CLASP1: variants seen among roughly 807,000 people sequenced by gnomAD.
CLASP1 encodes the protein cytoplasmic linker associated protein 1.
In CLASP1, 38 loss-of-function variants were observed where a neutral mutation model predicts 192.3. The observed-to-expected ratio is 0.20, with a 90% CI of 0.15 to 0.26. CLASP1 has a LOEUF of 0.26. CLASP1 is among the 10% of genes least tolerant of loss of function. CLASP1 has a pLI of 1.00. For missense variants in CLASP1, 1,433 were observed against 1,932.5 expected (o/e 0.74, Z 4.85); for synonymous variants, 691 against 712.8 (o/e 0.97, Z 0.49).
intron 8 of CLASP1, among the ~76,000 whole-genome samples, chr2:121,497,065 G>A (rs2093564081): frequency 6.6e-6 from 1 of 152,084 alleles, no homozygotes; most frequent in African/African-American, 2.4e-5. Context: ...GTTACCAAAG[G>A]CCAGGAAGGG....
chr2:121,412,742 A>G (rs1018170393), intron 23 of CLASP1, among the ~76,000 whole-genome samples: 12 of 152,240 alleles, frequency 7.9e-5, no homozygotes, highest in African/African-American at 2.9e-4. Context: ...GTGACTATAG[A>G]TCATTTGATA....
rs968854871 is a variant in CLASP1, at chr2:121,376,003, T to C, written c.3642+1496A>G. 2.0e-5 allele frequency among the ~76,000 whole-genome samples: 3 copies of C among 152,230 alleles called. No homozygotes were observed. In the East Asian group the frequency reaches 5.8e-4, roughly 29 times the overall value. On this transcript the variant is annotated intron_variant, in intron 34 of 39. Coordinates refer to ENST00000263710, the Ensembl canonical transcript of CLASP1. ...TACCTTGGGCCTCTTAATACTATTT[T>C]ATGGTTATTATAAAAAAGACAAAAA...
At chr2:121,587,126 AG>A (rs2061806471) in intron 2 of CLASP1, among the ~76,000 whole-genome samples, 1 of 152,210 alleles carries the variant, frequency 6.6e-6, no homozygotes, top group African/African-American at 2.4e-5. Flanking sequence ...CTGTAGTCCC[AG>A]CTACTTGGGA....
intron 37 of CLASP1, among the ~76,000 whole-genome samples, chr2:121,349,467 G>A (rs1291100378): frequency 6.6e-6 from 1 of 152,144 alleles, no homozygotes; most frequent in Non-Finnish European, 1.5e-5. Context: ...CGCCCTAGAA[G>A]ACTAGGACCT....
At chr2:121,415,472 A>C (rs2078417146) in intron 23 of CLASP1, among the ~76,000 whole-genome samples, 1 of 152,230 alleles carries the variant, frequency 6.6e-6, no homozygotes, top group Non-Finnish European at 1.5e-5. Flanking sequence ...AAGTATTCTT[A>C]GTGAGCATAT....
At chr2:121,353,734 G>A (rs2064911979) in intron 37 of CLASP1, among the ~76,000 whole-genome samples, 1 of 152,194 alleles carries the variant, frequency 6.6e-6, no homozygotes, top group Admixed American at 6.5e-5. Context: ...GTATACGCCA[G>A]GTGCTCAATA....
intron 8 of CLASP1, chr2:121,490,352 A>G (rs2150143334): frequency 2.3e-6 from 1 of 441,334 alleles, no homozygotes; most frequent in Admixed American, 2.5e-5. Context: ...ACTCACAGCA[A>G]CTTAAGCATC....
At chr2:121,410,937 G>C in exon 24 of CLASP1, 1 of 1,610,762 alleles carries the variant, frequency 6.2e-7, no homozygotes, top group Non-Finnish European at 8.5e-7. Context: ...ACAGAACCAG[G>C]TATTCTTCCT....
At chr2:121,612,400 T>G in intron 1 of CLASP1, among the ~76,000 whole-genome samples, 3 of 139,098 alleles carry the variant, frequency 2.2e-5, no homozygotes, top group South Asian at 2.3e-4. Flanking sequence ...ATTGGAGGAG[T>G]TGGAGGAGGA....
chr2:121,543,431 A>G (rs72971216), intron 2 of CLASP1, among the ~76,000 whole-genome samples: 184 of 152,328 alleles, frequency 1.2e-3, no homozygotes, highest in African/African-American at 4.1e-3. Context: ...TCCCATAAAC[A>G]TGAGATCAGG....
intron 8 of CLASP1, among the ~76,000 whole-genome samples, chr2:121,500,006 G>T (rs1393018525): frequency 6.6e-6 from 1 of 152,054 alleles, no homozygotes; most frequent in Non-Finnish European, 1.5e-5. Flanking sequence ...GCAAGAAAAA[G>T]AAATTAAAAG....
chr2:121,581,569 C>T (rs1029298579), intron 2 of CLASP1, among the ~76,000 whole-genome samples: 4 of 152,116 alleles, frequency 2.6e-5, no homozygotes, highest in Non-Finnish European at 5.9e-5. Context: ...CCACCGCGCC[C>T]GGCCCCTTTT....
intron 11 of CLASP1, among the ~76,000 whole-genome samples, chr2:121,460,450 G>A (rs1050103683): frequency 1.3e-5 from 2 of 152,030 alleles, no homozygotes; most frequent in Admixed American, 1.3e-4. Context: ...TTTGGCTTGT[G>A]AAAATCCCCT....
At chr2:121,634,046 CACCTGGTTCACA>C (rs2070336018) in intron 1 of CLASP1, among the ~76,000 whole-genome samples, 1 of 151,740 alleles carries the variant, frequency 6.6e-6, no homozygotes, top group African/African-American at 2.4e-5. Context: ...GGAGAGTGTG[CACCTGGTTCACA>C]GCCTCACATC....
chr2:121,394,619 C>T (rs1356744919), intron 30 of CLASP1, among the ~76,000 whole-genome samples: 4 of 152,184 alleles, frequency 2.6e-5, no homozygotes, highest in Non-Finnish European at 4.4e-5. Context: ...CAGTGGCTCA[C>T]GCCTGTAATC....
chr2:121,597,746 A>G (rs2063304445), intron 2 of CLASP1, among the ~76,000 whole-genome samples: 2 of 152,354 alleles, frequency 1.3e-5, no homozygotes, highest in South Asian at 2.1e-4. Context: ...GTTGTTTCCA[A>G]TGATCCCAGT....
At chr2:121,585,620 G>T (rs1457834734) in intron 2 of CLASP1, among the ~76,000 whole-genome samples, 1 of 152,116 alleles carries the variant, frequency 6.6e-6, no homozygotes, top group Non-Finnish European at 1.5e-5. Flanking sequence ...AAGTCTTTTG[G>T]CCAGGCATGG....
intron 2 of CLASP1, among the ~76,000 whole-genome samples, chr2:121,605,092 G>A (rs7569475): frequency 0.96 from 144,786 of 150,968 alleles, 69,506 homozygotes; most frequent in East Asian, 1. Context: ...CAACCTTCAC[G>A]ACTCATTTGA....
At chr2:121,633,774 A>G (rs1341939245) in intron 1 of CLASP1, among the ~76,000 whole-genome samples, 1 of 152,140 alleles carries the variant, frequency 6.6e-6, no homozygotes, top group Non-Finnish European at 1.5e-5. Context: ...TCGGAGGCAG[A>G]GGTGAGTGGA....
Sources: gnomAD v4.1 joint callset for allele counts (sites outside exome capture counted in the v4.1 genomes callset) on GRCh38, gnomAD v4.1.1 for gene constraint, MANE v1.5 for transcripts, NCBI Gene and HGNC (gene_info 2026-07-23, HGNC 2026-07-21) for gene names.